Variants in LRRC8B observed in about 807,000 individuals in gnomAD.
LRRC8B encodes the protein leucine rich repeat containing 8 VRAC subunit B, also known as volume-regulated anion channel subunit LRRC8B.
LRRC8B carries 23 observed loss-of-function variants against 58.8 expected under a neutral mutation model. That is an observed-to-expected ratio of 0.39 (90% confidence interval 0.28 to 0.55). The LOEUF (loss-of-function observed/expected upper bound fraction) is 0.55, where lower values mean the gene tolerates loss of function less well. Among genes scored for constraint, LRRC8B ranks in the 20% least tolerant of loss-of-function variants. The pLI, the probability that LRRC8B is intolerant of heterozygous loss-of-function variation, is 0.62. For missense variants in LRRC8B, 694 were observed against 936.0 expected, an observed-to-expected ratio of 0.74 and a Z score of 3.37; for synonymous variants, 359 against 374.1, an observed-to-expected ratio of 0.96 and a Z score of 0.47.
intron 1 of LRRC8B, among the ~76,000 whole-genome samples, chr1:89,528,760 A>G (rs1286473448): frequency 6.6e-6 from 1 of 152,202 alleles, no homozygotes; most frequent in Non-Finnish European, 1.5e-5. Flanking sequence ...CCTCAGCTTC[A>G]TGATCCCAAG....
rs1654335633 is a variant in LRRC8B, at chr1:89,582,867, C to A, written c.217C>A (p.Leu73Met). 1 of 1,614,206 alleles carries A rather than the reference C, an allele frequency of 6.2e-7. No individual in the cohort carries two copies. Among genetic ancestry groups the A allele is most frequent in the South Asian group, 1.1e-5 (1 of 91,084 alleles). ...TCACTGTGCCGTGCCTTGGGACATCCTGAAAGCCAGCATGAACACATCCTC... is the reference window on the plus strand; with the variant it reads ...TCACTGTGCCGTGCCTTGGGACATCATGAAAGCCAGCATGAACACATCCTC... The part of the protein sequence containing the change: ...DNHCAVPWDI[L>M]KASMNTSSNP... Residue 73 changes from leucine to methionine, a missense_variant, in exon 5 of 6, where the codon CTG (leucine) becomes ATG (methionine). This residue lies in a region of LRRC8B where 316 missense variants were observed against 403.8 expected (regional missense o/e 0.78). Transcript: ENST00000330947.
At chr1:89,532,265 C>T (rs894618522) in intron 1 of LRRC8B, among the ~76,000 whole-genome samples, 2 of 152,180 alleles carry the variant, frequency 1.3e-5, no homozygotes, top group African/African-American at 4.8e-5. Flanking sequence ...CCCTCACCCC[C>T]ACCAGAATAT....
chr1:89,596,492 T>C lies in LRRC8B; in HGVS notation c.*3449T>C, dbSNP rs1281963150. On this transcript the variant is annotated 3_prime_UTR_variant, in exon 6 of 6. Transcript: ENST00000330947. ...AAAAATTTTTTTTCGGTTCAAGTGT[T>C]TTGTGATTAAAATTTTATGTTTAAT... is the stretch of plus-strand genomic sequence containing the variant. The C allele has an allele frequency of 4.6e-5, 7 of 152,138 alleles. No individual in the cohort carries two copies. The highest frequency in any genetic ancestry group is 1.0e-4 in the Non-Finnish European group (7 of 67,980). The allele number at this position is 152,138 out of a possible 1,614,324, so 9.4% of individuals were successfully genotyped here.
chr1:89,552,468 T>C (rs765476123), intron 1 of LRRC8B, among the ~76,000 whole-genome samples: 7 of 152,212 alleles, frequency 4.6e-5, no homozygotes, highest in South Asian at 2.1e-4. Flanking sequence ...TAGGTACTTA[T>C]AATAACTCTC....
chr1:89,557,440 C>T (rs1652277596), intron 1 of LRRC8B, among the ~76,000 whole-genome samples: 1 of 152,178 alleles, frequency 6.6e-6, no homozygotes, highest in African/African-American at 2.4e-5. Flanking sequence ...TCTTTTGCAT[C>T]TGTTTGCTAC....
At chr1:89,534,161 C>G (rs1242329341) in intron 1 of LRRC8B, among the ~76,000 whole-genome samples, 2 of 152,074 alleles carry the variant, frequency 1.3e-5, no homozygotes, top group Non-Finnish European at 2.9e-5. Flanking sequence ...TTTGAGTATC[C>G]TCTAAAACGA....
intron 1 of LRRC8B, among the ~76,000 whole-genome samples, chr1:89,531,108 A>T (rs1478669585): frequency 6.6e-6 from 1 of 152,216 alleles, no homozygotes; most frequent in Non-Finnish European, 1.5e-5. Context: ...TGTTCATCTA[A>T]AGATTTTAAG....
chr1:89,547,643 G>A (rs1208124410), intron 1 of LRRC8B, among the ~76,000 whole-genome samples: 10 of 152,104 alleles, frequency 6.6e-5, no homozygotes, highest in Admixed American at 3.9e-4. Context: ...AAATTTTGGA[G>A]CACTTATTTT....
chr1:89,559,567 C>G (rs1002043618), intron 1 of LRRC8B, among the ~76,000 whole-genome samples: 1 of 150,102 alleles, frequency 6.7e-6, no homozygotes, highest in Non-Finnish European at 1.5e-5. Flanking sequence ...GACCGCAACA[C>G]TGCACTCAGC....
chr1:89,525,599 G>A (rs1389011085), intron 1 of LRRC8B, among the ~76,000 whole-genome samples: 1 of 152,216 alleles, frequency 6.6e-6, no homozygotes, highest in Non-Finnish European at 1.5e-5. Context: ...GAAAGGGCAA[G>A]CGTTACCAAT....
chr1:89,562,193 A>G (rs1652723477), intron 1 of LRRC8B, among the ~76,000 whole-genome samples: 1 of 149,198 alleles, frequency 6.7e-6, no homozygotes, highest in African/African-American at 2.5e-5. Flanking sequence ...CCTCTGCATT[A>G]CCACCACCCA....
At chr1:89,562,181 A>C (rs72712517) in intron 1 of LRRC8B, among the ~76,000 whole-genome samples, 59 of 149,928 alleles carry the variant, frequency 3.9e-4, no homozygotes, top group South Asian at 8.5e-4. Context: ...ACACACACAC[A>C]CCCTCTGCAT....
At chr1:89,541,990 C>T (rs1213294541) in intron 1 of LRRC8B, among the ~76,000 whole-genome samples, 1 of 152,024 alleles carries the variant, frequency 6.6e-6, no homozygotes. Context: ...ATGACTAATT[C>T]ACAGATTAAA....
intron 1 of LRRC8B, among the ~76,000 whole-genome samples, chr1:89,525,616 A>G (rs1649628948): frequency 1.3e-5 from 2 of 152,244 alleles, no homozygotes; most frequent in African/African-American, 4.8e-5. Context: ...CAATTTAAGA[A>G]GAAGACTCAA....
At chr1:89,560,293 C>T (rs915230582) in intron 1 of LRRC8B, among the ~76,000 whole-genome samples, 7 of 152,170 alleles carry the variant, frequency 4.6e-5, no homozygotes, top group Admixed American at 2.0e-4. Flanking sequence ...ACATTCCCCT[C>T]ATCCACCAAT....
intron 1 of LRRC8B, among the ~76,000 whole-genome samples, chr1:89,553,578 T>C (rs1429257461): frequency 6.6e-6 from 1 of 152,194 alleles, no homozygotes; most frequent in East Asian, 1.9e-4. Flanking sequence ...ACTCAGGTAT[T>C]ACCTAGTCTA....
chr1:89,538,892 C>T (rs922561119), intron 1 of LRRC8B, among the ~76,000 whole-genome samples: 4 of 151,962 alleles, frequency 2.6e-5, no homozygotes, highest in Non-Finnish European at 5.9e-5. Flanking sequence ...GGCTAATTTA[C>T]GTATTTTTTA....
chr1:89,582,983 GA>G lies in LRRC8B; in HGVS notation c.336del (p.Lys112AsnfsTer67). The G allele has an allele frequency of 6.2e-7, 1 of 1,614,052 alleles. No individual in the cohort carries two copies. The highest frequency in any genetic ancestry group is 8.5e-7 in the Non-Finnish European group (1 of 1,180,038). On this transcript the variant is annotated frameshift_variant, in exon 5 of 6. Transcript: ENST00000330947. LOFTEE classifies it high-confidence loss of function. ...CCTATATTGATGCCGTCTGTTACGA[GA>G]AACAGCTCCATTGGTTTGCAAAGTT... is the stretch of plus-strand genomic sequence containing the variant. ...YSYIDAVCYEKQLHWFAKFFP... is the reference protein window; with the variant it reads ...YSYIDAVCYEXQLHWFAKFFP...
intron 1 of LRRC8B, among the ~76,000 whole-genome samples, chr1:89,554,334 A>G (rs778389522): frequency 3.3e-5 from 5 of 152,138 alleles, no homozygotes; most frequent in Admixed American, 1.3e-4. Flanking sequence ...CCCTAACTAT[A>G]TAAATCTTAC....
Sources: gnomAD v4.1 joint callset for allele counts (sites outside exome capture counted in the v4.1 genomes callset) on GRCh38, gnomAD v4.1.1 for gene constraint, gnomAD v4.1.1 regional missense constraint, MANE v1.5 for transcripts, NCBI Gene and HGNC (gene_info 2026-07-23, HGNC 2026-07-21) for gene names.